The following IDE variants were observed in gnomAD, a reference collection of about 807,000 sequenced individuals.
The protein encoded by IDE is insulin-degrading enzyme.
Under a neutral mutation model 133.2 loss-of-function variants are expected in IDE, and 58 were observed. The observed-to-expected ratio is 0.44, with a 90% CI of 0.35 to 0.54. The LOEUF (loss-of-function observed/expected upper bound fraction) is 0.54. Ranked by LOEUF, IDE falls within the 20% of genes least tolerant of loss-of-function variation. The pLI is 0.00. For missense variants in IDE, 981 were observed against 1,234.0 expected, an observed-to-expected ratio of 0.79 and a Z score of 3.07; for synonymous variants, 396 against 421.3, an observed-to-expected ratio of 0.94 and a Z score of 0.73.
chr10:92,464,078 C>T, intron 20 of IDE, 75 bp from the exon 21 acceptor site: 1 of 1,409,816 alleles, frequency 7.1e-7, no homozygotes, highest in Non-Finnish European at 9.7e-7. Flanking sequence ...CAAAAACTAA[C>T]CTGTCTGAGC....
rs1475485349 is a variant in IDE, at chr10:92,573,963, TG to T, written c.56del (p.Ser19Ter). ...LHPALPSTFRSVLGARLPPPE... is the reference protein window; with the variant it reads ...LHPALPSTFRXVLGARLPPPE... ...GAGGCGGCAGGCGGGCGCCGAGGAC[TG>T]AGCGGAAGGTGCTGGGCAGTGCGGG... On this transcript the variant is annotated frameshift_variant, in exon 1 of 25. Transcript: ENST00000265986. LOFTEE classifies it high-confidence loss of function. 1 of 1,485,844 alleles carries T rather than the reference TG, an allele frequency of 6.7e-7. No individual in the cohort carries two copies. Among genetic ancestry groups the T allele is most frequent in the Non-Finnish European group, 8.9e-7 (1 of 1,122,716 alleles). 92.0% of individuals were successfully genotyped at this position (1,485,844 alleles called of 1,614,324 possible).
chr10:92,508,655 T>C (rs1348819007), intron 7 of IDE, 73 bp downstream of exon 7: 1 of 1,377,406 alleles, frequency 7.3e-7, no homozygotes, highest in Non-Finnish European at 1.0e-6. Flanking sequence ...CATAGGACAC[T>C]ATTCAGGAGA....
chr10:92,506,347 T>A, intron 10 of IDE, 95 bp downstream of exon 10: 1 of 568,078 alleles, frequency 1.8e-6, no homozygotes, highest in Non-Finnish European at 3.1e-6. Flanking sequence ...TACCTCAGCT[T>A]CAATTGTAAT....
At chr10:92,496,041 A>G (rs1483805245) in intron 11 of IDE, among the ~76,000 whole-genome samples, 1 of 151,566 alleles carries the variant, frequency 6.6e-6, no homozygotes, top group Non-Finnish European at 1.5e-5. Flanking sequence ...TGCCCGGCTA[A>G]TTTTTGTATT....
At chr10:92,455,476 A>G (rs1464708155) in intron 24 of IDE, 100 bp downstream of exon 24, 5 of 761,666 alleles carry the variant, frequency 6.6e-6, no homozygotes. Context: ...GTGAGACTCC[A>G]TTTCAAAAAC....
intron 1 of IDE, chr10:92,555,038 T>C (rs1414504986): frequency 2.0e-5 from 3 of 152,080 alleles, no homozygotes; most frequent in Non-Finnish European, 2.9e-5. Context: ...TGTACTTCAG[T>C]ACAATAAGAG....
At chr10:92,460,135 C>T (rs563531754) in intron 22 of IDE, among the ~76,000 whole-genome samples, 24 of 152,162 alleles carry the variant, frequency 1.6e-4, no homozygotes, top group Non-Finnish European at 3.4e-4. Context: ...CCACGCCCAG[C>T]CGGTGTGAAT....
intron 22 of IDE, among the ~76,000 whole-genome samples, chr10:92,457,859 G>A (rs971668764): frequency 2.6e-5 from 4 of 152,094 alleles, no homozygotes; most frequent in Non-Finnish European, 5.9e-5. Context: ...CTGCCAGCAG[G>A]CAAAACAGCC....
intron 21 of IDE, 50 bp downstream of exon 21, chr10:92,463,681 T>C (rs1424351963): frequency 1.7e-5 from 26 of 1,524,108 alleles, no homozygotes; most frequent in Non-Finnish European, 2.4e-5. Context: ...ATGGCCTTAA[T>C]CAAATGTTAC....
chr10:92,527,067 T>C (rs554453109), intron 4 of IDE, among the ~76,000 whole-genome samples: 1 of 152,206 alleles, frequency 6.6e-6, no homozygotes, highest in East Asian at 1.9e-4. Context: ...TCTATCTTCA[T>C]GGGTTTTTCT....
intron 1 of IDE, among the ~76,000 whole-genome samples, chr10:92,568,836 T>C (rs944383387): frequency 1.3e-5 from 2 of 149,256 alleles, no homozygotes; most frequent in Non-Finnish European, 3.0e-5. Context: ...ATAATAATAA[T>C]AATAATAACA....
chr10:92,487,423 C>G, intron 12 of IDE, 105 bp from the exon 13 acceptor site: 2 of 947,372 alleles, frequency 2.1e-6, no homozygotes, highest in Non-Finnish European at 3.1e-6. Flanking sequence ...ACAAATGTCA[C>G]ACAGCATTGT....
chr10:92,498,983 A>G (rs1847870345), intron 11 of IDE, among the ~76,000 whole-genome samples: 1 of 152,182 alleles, frequency 6.6e-6, no homozygotes, highest in Non-Finnish European at 1.5e-5. Flanking sequence ...CCCTGGAAAT[A>G]TAGGTACACT....
chr10:92,535,172 T>A (rs1429143068), intron 2 of IDE, among the ~76,000 whole-genome samples: 1 of 152,144 alleles, frequency 6.6e-6, no homozygotes, highest in Non-Finnish European at 1.5e-5. Flanking sequence ...GGCGAGATCT[T>A]GGCTCACTGC....
intron 1 of IDE, among the ~76,000 whole-genome samples, chr10:92,547,292 C>A (rs1317091175): frequency 6.6e-6 from 1 of 151,572 alleles, no homozygotes; most frequent in Non-Finnish European, 1.5e-5. Flanking sequence ...ACCATGTTTC[C>A]CAGGATGACT....
At chr10:92,522,410 CTGACT>C (rs1849275540) in intron 4 of IDE, among the ~76,000 whole-genome samples, 1 of 152,148 alleles carries the variant, frequency 6.6e-6, no homozygotes, top group African/African-American at 2.4e-5. Context: ...TGAGTTCAGA[CTGACT>C]TGATAATTGA....
chr10:92,528,214 T>G (rs140075634), intron 4 of IDE, among the ~76,000 whole-genome samples: 1 of 152,212 alleles, frequency 6.6e-6, no homozygotes, highest in Non-Finnish European at 1.5e-5. Context: ...AAAGTGATAG[T>G]GGGCATCCTT....
At position 92,515,105 on chromosome 10, in the gene IDE, A is replaced by G. The variant is rs1283881711; in HGVS notation, c.662-63T>C. ...AATATGTGGACTTTTAAAGTTTTGT[A>G]ATTATCACTGATATTGCTTAAGATG... is the stretch of plus-strand genomic sequence containing the variant. On this transcript the variant is annotated intron_variant, in intron 4 of 24. Transcript: ENST00000265986. 10 of 1,296,692 alleles carry G rather than the reference A, an allele frequency of 7.7e-6. No individual in the cohort carries two copies. In the African/African-American group the frequency reaches 1.5e-4, roughly 19 times the overall value. 80.3% of individuals were successfully genotyped at this position (1,296,692 alleles called of 1,614,324 possible). A position where few individuals can be genotyped will look rare whatever the true frequency, so the allele number is the denominator to read the frequency against.
intron 10 of IDE, 133 bp downstream of exon 10, chr10:92,506,309 C>T (rs1848291305): frequency 2.3e-6 from 1 of 439,952 alleles, no homozygotes; most frequent in South Asian, 6.4e-5. Context: ...TCAACATTTG[C>T]CCTGTTGCTA....
Sources: allele counts gnomAD v4.1 joint callset (sites outside exome capture counted in the v4.1 genomes callset), GRCh38; gene constraint gnomAD v4.1.1; transcripts MANE v1.5; gene names NCBI Gene and HGNC (gene_info 2026-07-23, HGNC 2026-07-21).